FRYL: variants seen among roughly 807,000 people sequenced by gnomAD.
The protein encoded by FRYL is protein furry homolog-like.
A neutral mutation model predicts 351.2 loss-of-function variants in FRYL; 150 were observed. That is an observed-to-expected ratio of 0.43 (90% CI 0.37 to 0.49). The LOEUF (loss-of-function observed/expected upper bound fraction) is 0.49, where lower values mean the gene tolerates loss of function less well. Among genes scored for constraint, FRYL ranks in the 20% least tolerant of loss-of-function variants. FRYL has a pLI of 0.00. For synonymous variants in FRYL, 1,153 were observed against 1,257.1 expected, an observed-to-expected ratio of 0.92 and a Z score of 1.75; for missense variants, 3,036 against 3,619.3, an observed-to-expected ratio of 0.84 and a Z score of 4.13.
In FRYL at chr4:48,712,501, G is replaced by A. The variant is rs552340692; in HGVS notation, c.-383-1803C>T. Among the ~76,000 whole-genome samples the A allele has an allele frequency of 6.6e-5, 10 of 152,282 alleles. No homozygotes were observed. In the South Asian group the frequency reaches 1.0e-3, roughly 16 times the overall value. ...AGATGAAATGAAAGAAATGAAGCGAGAAGGGAAGTTTAGAGAAAAAAGAAT... is the reference window on the plus strand; with the variant it reads ...AGATGAAATGAAAGAAATGAAGCGAAAAGGGAAGTTTAGAGAAAAAAGAAT... On this transcript the variant is annotated intron_variant, in intron 1 of 63. Transcript: ENST00000358350.
At chr4:48,577,249 A>G (rs1739822096) in intron 23 of FRYL, among the ~76,000 whole-genome samples, 1 of 152,244 alleles carries the variant, frequency 6.6e-6, no homozygotes. Flanking sequence ...CATCAATAAA[A>G]TATTTTGAAA....
At chr4:48,507,222 T>C (rs1161663867) in intron 59 of FRYL, among the ~76,000 whole-genome samples, 1 of 152,130 alleles carries the variant, frequency 6.6e-6, no homozygotes, top group South Asian at 2.1e-4. Context: ...TTTATTCTGT[T>C]AAAAGACAAA....
chr4:48,769,506 C>G (rs75392119), intron 1 of FRYL, among the ~76,000 whole-genome samples: 2 of 152,136 alleles, frequency 1.3e-5, no homozygotes. Context: ...AACATACAGC[C>G]ACTTTGGAAA....
intron 1 of FRYL, among the ~76,000 whole-genome samples, chr4:48,714,670 C>A (rs1768530336): frequency 6.6e-6 from 1 of 150,400 alleles, no homozygotes; most frequent in Non-Finnish European, 1.5e-5. Context: ...CAGATGGATT[C>A]AAAGCCGAAT....
At chr4:48,716,959 C>G (rs1297646213) in intron 1 of FRYL, among the ~76,000 whole-genome samples, 1 of 151,006 alleles carries the variant, frequency 6.6e-6, no homozygotes, top group Non-Finnish European at 1.5e-5. Context: ...AGGATGAGTT[C>G]ATGTCCTTTG....
intron 26 of FRYL, among the ~76,000 whole-genome samples, chr4:48,572,867 T>C (rs1269260079): frequency 6.6e-6 from 1 of 152,212 alleles, no homozygotes; most frequent in Admixed American, 6.5e-5. Flanking sequence ...TACGAACGCT[T>C]TCATGCTACA....
intron 11 of FRYL, 127 bp downstream of exon 11, chr4:48,605,614 G>A: frequency 1.5e-6 from 1 of 663,416 alleles, no homozygotes; most frequent in South Asian, 1.8e-5. Context: ...GGGAGCAAAT[G>A]AGACGAGCCT....
At chr4:48,775,641 A>G (rs1398112820) in intron 1 of FRYL, among the ~76,000 whole-genome samples, 1 of 152,158 alleles carries the variant, frequency 6.6e-6, no homozygotes, top group Non-Finnish European at 1.5e-5. Flanking sequence ...ACAAATCTAC[A>G]TTTCTCCTTG....
chr4:48,684,541 C>G (rs1299878591), intron 3 of FRYL, 132 bp downstream of exon 3: 1 of 152,220 alleles, frequency 6.6e-6, no homozygotes, highest in Non-Finnish European at 1.5e-5. Context: ...ATTACCACAA[C>G]TTTTAACTCC....
intron 50 of FRYL, 96 bp from the exon 51 acceptor site, chr4:48,528,432 T>TAA: frequency 2.3e-6 from 2 of 864,194 alleles, no homozygotes; most frequent in Non-Finnish European, 3.2e-6. Flanking sequence ...TTTTTACAAA[T>TAA]AAAAAAAAAG....
intron 59 of FRYL, among the ~76,000 whole-genome samples, chr4:48,507,096 G>GTATACTAATAAATTTGAAAA (rs1721248259): frequency 6.6e-6 from 1 of 152,066 alleles, no homozygotes; most frequent in African/African-American, 2.4e-5. Flanking sequence ...GTTTGTCCAA[G>GTATACTAATAAATTTGAAAA]TATACTAATA....
At position 48,602,057 on chromosome 4, in the gene FRYL, C is replaced by T; in HGVS notation, c.998G>A (p.Trp333Ter). ...VSQKQFFLNN[W>*]HIFLQNCLSH... ...CAAACAGTTCTGTAGGAAAATATGC[C>T]AGTTATTTAAAAAAAATTGTTTCTG... Residue 333 changes from tryptophan (W) to a stop codon, truncating the protein, a stop_gained, in exon 13 of 64, where the codon TGG becomes TAG. Coordinates refer to ENST00000358350, the MANE Select transcript of FRYL (RefSeq NM_015030.2). LOFTEE classifies it high-confidence loss of function. 6.2e-7 allele frequency: 1 copy of T among 1,600,148 alleles called. No homozygotes were observed. The highest frequency in any genetic ancestry group is 8.6e-7 in the Non-Finnish European group (1 of 1,168,250).
rs887733247 is a variant in FRYL, at chr4:48,559,030, T to C, written c.3866-1318A>G. On this transcript the variant is annotated intron_variant, in intron 33 of 63. Coordinates refer to ENST00000358350, the MANE Select transcript of FRYL (RefSeq NM_015030.2). ...TTGAATCCCACAGATCTACCACATATAGATAGCCTGACCTAGGGCTAACCT... is the reference window on the plus strand; with the variant it reads ...TTGAATCCCACAGATCTACCACATACAGATAGCCTGACCTAGGGCTAACCT... Among the ~76,000 whole-genome samples the C allele has an allele frequency of 5.9e-5, 9 of 152,338 alleles. 3 individuals are homozygous for C. The highest frequency in any genetic ancestry group is 4.1e-4 in the South Asian group (2 of 4,828).
chr4:48,671,873 C>CAAAAAAAAAAAAAAAAAAAAAAAA (rs71191252), intron 3 of FRYL, among the ~76,000 whole-genome samples: 2 of 51,852 alleles, frequency 3.9e-5, no homozygotes, highest in African/African-American at 7.4e-5. Context: ...AAAAAAAAAA[C>CAAAAAAAAAAAAAAAAAAAAAAAA]AAAAAAAAAA....
intron 56 of FRYL, among the ~76,000 whole-genome samples, chr4:48,513,915 A>G (rs1722998743): frequency 6.6e-6 from 1 of 152,220 alleles, no homozygotes; most frequent in Non-Finnish European, 1.5e-5. Flanking sequence ...GCTGAATAAC[A>G]TCGTTTCTGG....
At chr4:48,505,823 T>G (rs1375484001) in intron 59 of FRYL, 5 of 481,394 alleles carry the variant, frequency 1.0e-5, no homozygotes, top group Non-Finnish European at 1.8e-5. Context: ...GGCACACACT[T>G]GTGACAGCTA....
chr4:48,511,948 G>C (rs1292909532), intron 57 of FRYL, among the ~76,000 whole-genome samples: 3 of 152,174 alleles, frequency 2.0e-5, no homozygotes, highest in African/African-American at 7.2e-5. Flanking sequence ...ACATTCCATA[G>C]TTGTGGTGTC....
At chr4:48,635,408 T>A (rs1338898948) in intron 3 of FRYL, among the ~76,000 whole-genome samples, 1 of 152,126 alleles carries the variant, frequency 6.6e-6, no homozygotes, top group African/African-American at 2.4e-5. Context: ...AAGCAAAGTA[T>A]TTGAGACTTG....
chr4:48,730,018 C>T (rs189577168), intron 1 of FRYL, among the ~76,000 whole-genome samples: 2 of 152,160 alleles, frequency 1.3e-5, no homozygotes, highest in African/African-American at 4.8e-5. Flanking sequence ...ATTAGAATAA[C>T]CAGTGTAGAG....
Sources: allele counts gnomAD v4.1 joint callset (sites outside exome capture counted in the v4.1 genomes callset), GRCh38; gene constraint gnomAD v4.1.1; transcripts MANE v1.5; gene names NCBI Gene and HGNC (gene_info 2026-07-23, HGNC 2026-07-21).